Variants in AK7 observed in about 807,000 individuals in gnomAD.
AK7 encodes the protein adenylate kinase 7, also known as ATP-AMP transphosphorylase 7.
AK7 carries 78 observed loss-of-function variants against 96.6 expected under a neutral mutation model. The ratio of observed to expected loss-of-function variants is 0.81; its 90% CI spans 0.67 to 0.97. The LOEUF (loss-of-function observed/expected upper bound fraction) is 0.97, where lower values mean the gene tolerates loss of function less well. Ranked by LOEUF, AK7 falls within the 50% of genes least tolerant of loss-of-function variation. AK7 has a pLI of 0.00. For synonymous variants in AK7, 302 were observed against 317.2 expected, an observed-to-expected ratio of 0.95 and a Z score of 0.51; for missense variants, 855 against 887.9, an observed-to-expected ratio of 0.96 and a Z score of 0.47.
rs915555433 is a variant in AK7 at position 96,482,370 on chromosome 14, G to A, written c.1754-629G>A. Among the ~76,000 whole-genome samples, 3 of 152,168 alleles carry A rather than the reference G, an allele frequency of 2.0e-5. No individual in the cohort carries two copies. The South Asian group carries it at 6.2e-4, about 32-fold the overall frequency. On this transcript the variant is annotated intron_variant, in intron 15 of 17. Coordinates refer to ENST00000267584, the MANE Select transcript of AK7 (RefSeq NM_152327.5). ...TACCAAAATGTGTCTGCTGCACATC[G>A]TTCTCTGCAGACACCTTCCAAGCAG... is the stretch of plus-strand genomic sequence containing the variant.
chr14:96,400,030 C>CT (rs34001068), intron 2 of AK7, among the ~76,000 whole-genome samples: 1,066 of 86,360 alleles, frequency 0.012, 44 homozygotes, highest in African/African-American at 0.02. Context: ...CAAAAACAAT[C>CT]TTTTTTTTTT....
At chr14:96,451,261 T>A (rs1893585351) in intron 9 of AK7, among the ~76,000 whole-genome samples, 160 bp from the exon 10 acceptor site, 1 of 152,196 alleles carries the variant, frequency 6.6e-6, no homozygotes, top group Non-Finnish European at 1.5e-5. Context: ...TAACGTAGTA[T>A]CACACAGATA....
chr14:96,442,721 TCC>T lies in AK7; in HGVS notation c.691-8_691-7del. On this transcript the variant is annotated splice_region_variant and splice_polypyrimidine_tract_variant and intron_variant, in intron 6 of 17. Transcript: ENST00000267584. ...CTGGGGGACATGATTTTGCTTTTCTTCCTTTCAGATGGCTTGGTTGGGCGAGA... is the reference window on the plus strand; with the variant it reads ...CTGGGGGACATGATTTTGCTTTTCTTTTTCAGATGGCTTGGTTGGGCGAGA... The T allele has an allele frequency of 1.2e-6, 2 of 1,613,514 alleles. No individual in the cohort carries two copies. Among genetic ancestry groups the T allele is most frequent in the Non-Finnish European group, 1.7e-6 (2 of 1,179,382 alleles).
chr14:96,440,762 G>A (rs765700890), intron 6 of AK7, among the ~76,000 whole-genome samples: 6 of 152,198 alleles, frequency 3.9e-5, no homozygotes, highest in Non-Finnish European at 5.9e-5. Flanking sequence ...AAGGATGCAC[G>A]CCCAGGAGAT....
At chr14:96,409,089 T>C (rs1274180294) in intron 4 of AK7, 148 bp downstream of exon 4, 1 of 742,408 alleles carries the variant, frequency 1.3e-6, no homozygotes, top group African/African-American at 1.8e-5. Flanking sequence ...GTTTACTGAC[T>C]CTAAGCACAT....
intron 8 of AK7, among the ~76,000 whole-genome samples, 184 bp downstream of exon 8, chr14:96,446,791 T>C (rs534540962): frequency 1.2e-4 from 18 of 152,010 alleles, no homozygotes; most frequent in Non-Finnish European, 2.2e-4. Flanking sequence ...AATACAAAAA[T>C]TAGCCGGGCA....
intron 3 of AK7, 55 bp from the exon 4 acceptor site, chr14:96,408,792 T>C: frequency 6.4e-7 from 1 of 1,570,040 alleles, no homozygotes; most frequent in Non-Finnish European, 8.7e-7. Context: ...ACACGTGATT[T>C]AGAAACCAAG....
At chr14:96,456,777 T>A (rs1482354053) in intron 11 of AK7, 2 of 250,824 alleles carry the variant, frequency 8.0e-6, no homozygotes, top group South Asian at 1.1e-4. Context: ...GTTTGTGTCG[T>A]CTTCTTCGTG....
intron 16 of AK7, among the ~76,000 whole-genome samples, chr14:96,485,956 C>T (rs776785240): frequency 4.6e-5 from 7 of 152,062 alleles, no homozygotes; most frequent in Admixed American, 1.3e-4. Flanking sequence ...CCACCGCGCC[C>T]GGTTAATTTT....
intron 3 of AK7, 49 bp downstream of exon 3, chr14:96,404,914 C>T (rs778133710): frequency 7.5e-7 from 1 of 1,325,758 alleles, no homozygotes; most frequent in Admixed American, 1.8e-5. Flanking sequence ...TGTAGTGCTG[C>T]CTACTTCACC....
intron 12 of AK7, among the ~76,000 whole-genome samples, chr14:96,463,335 A>G (rs1388428745): frequency 1.3e-5 from 2 of 152,160 alleles, no homozygotes; most frequent in African/African-American, 4.8e-5. Context: ...GTCACCAAGC[A>G]TGGCTTGACC....
chr14:96,419,755 T>G (rs1474303833), intron 4 of AK7, among the ~76,000 whole-genome samples: 1 of 151,736 alleles, frequency 6.6e-6, no homozygotes, highest in African/African-American at 2.4e-5. Context: ...AATTATAAAA[T>G]TTGTCTCCTA....
intron 6 of AK7, among the ~76,000 whole-genome samples, chr14:96,441,329 T>C (rs758591956): frequency 1.3e-5 from 2 of 151,206 alleles, no homozygotes; most frequent in Non-Finnish European, 3.0e-5. Flanking sequence ...GATAATTTCA[T>C]AGTGGGCAAA....
Position 96,399,656 on chromosome 14 carries a change from C to T in AK7, c.294+1393C>T, listed in dbSNP as rs767665435. ...ATGTCACCAGCAGTCCCCTGACTCC[C>T]GAGGGGCTTAGCTCACCTGGCTTCA... On this transcript the variant is annotated intron_variant, in intron 2 of 17. Transcript: ENST00000267584. The surrounding 1 kb of genome is among the most constrained non-coding windows in gnomAD (Gnocchi z 4.1). 1.4e-4 allele frequency among the ~76,000 whole-genome samples: 22 copies of T among 152,206 alleles called. No individual in the cohort carries two copies. Among genetic ancestry groups the T allele is most frequent in the Non-Finnish European group, 2.5e-4 (17 of 68,038 alleles).
At chr14:96,488,246 A>G in intron 17 of AK7, 59 bp from the exon 18 acceptor site, 1 of 1,488,912 alleles carries the variant, frequency 6.7e-7, no homozygotes. Context: ...CATTACTAAT[A>G]CAAATACATG....
In AK7 at chr14:96,486,593, A is replaced by G. The variant is rs2140186250; in HGVS notation, c.1975-305A>G. Among the ~76,000 whole-genome samples, 3 of 152,008 alleles carry G rather than the reference A, an allele frequency of 2.0e-5. No individual in the cohort carries two copies. In the South Asian group the frequency reaches 6.2e-4, roughly 32 times the overall value. ...GGCTGTATGCTGAGCAAAGAATTGC[A>G]CATGTCACTATCCCAATGCCCTCCA... is the stretch of plus-strand genomic sequence containing the variant. On this transcript the variant is annotated intron_variant, in intron 16 of 17. Transcript: ENST00000267584.
chr14:96,482,996 A>G lies in AK7; in HGVS notation c.1754-3A>G. The G allele has an allele frequency of 6.2e-7, 1 of 1,613,308 alleles. No homozygotes were observed. Among genetic ancestry groups the G allele is most frequent in the East Asian group, 2.2e-5 (1 of 44,834 alleles). On this transcript the variant is annotated splice_region_variant and splice_polypyrimidine_tract_variant and intron_variant, in intron 15 of 17. Transcript: ENST00000267584. ...GTGTTGATCTCTCTCCTGGTATTTA[A>G]AGATGTAGGAAAACTTGAAGATGCT...
intron 12 of AK7, among the ~76,000 whole-genome samples, chr14:96,458,944 A>G (rs1235506433): frequency 8.2e-6 from 1 of 121,758 alleles, no homozygotes; most frequent in Non-Finnish European, 1.7e-5. Context: ...AAAAAGGTGA[A>G]GTACAGAAAT....
At chr14:96,417,383 C>G (rs1431204012) in intron 4 of AK7, among the ~76,000 whole-genome samples, 2 of 152,184 alleles carry the variant, frequency 1.3e-5, no homozygotes, top group African/African-American at 4.8e-5. Flanking sequence ...TTTTACCTGG[C>G]AAACCTACAT....
Sources: gnomAD v4.1 joint callset for allele counts (sites outside exome capture counted in the v4.1 genomes callset) on GRCh38, gnomAD v4.1.1 for gene constraint, Gnocchi (gnomAD v3.1) non-coding constraint, MANE v1.5 for transcripts, NCBI Gene and HGNC (gene_info 2026-07-23, HGNC 2026-07-21) for gene names.